Variants in ELP4 observed in about 807,000 individuals in gnomAD.
The protein encoded by ELP4 is elongator acetyltransferase complex subunit 4.
ELP4 carries 51 observed loss-of-function variants against 48.9 expected under a neutral mutation model. The ratio of observed to expected loss-of-function variants is 1.04; its 90% CI spans 0.83 to 1.32. The LOEUF (loss-of-function observed/expected upper bound fraction) is 1.32, where lower values mean the gene tolerates loss of function less well. ELP4 is among the 40% of genes most tolerant of loss of function. ELP4 has a pLI of 0.00. For missense variants in ELP4, 519 were observed against 514.6 expected, an observed-to-expected ratio of 1.01 and a Z score of -0.08; for synonymous variants, 210 against 189.2, an observed-to-expected ratio of 1.11 and a Z score of -0.90.
At chr11:31,600,042 A>G (rs1476876252) in intron 4 of ELP4, 1 of 152,188 alleles carries the variant, frequency 6.6e-6, no homozygotes, top group Non-Finnish European at 1.5e-5. Context: ...ATTATCATAG[A>G]TGCCTTTTAA....
At chr11:31,756,088 G>T (rs1947827198) in intron 9 of ELP4, among the ~76,000 whole-genome samples, 1 of 152,300 alleles carries the variant, frequency 6.6e-6, no homozygotes, top group East Asian at 1.9e-4. Flanking sequence ...ACAAATAGAA[G>T]TAACAAAGCC....
intron 5 of ELP4, among the ~76,000 whole-genome samples, chr11:31,612,728 A>T (rs1239563422): frequency 6.6e-6 from 1 of 152,168 alleles, no homozygotes; most frequent in Non-Finnish European, 1.5e-5. Flanking sequence ...GGTGAGAATA[A>T]GATGTTTGAA....
At chr11:31,771,522 C>G (rs1309980404) in intron 9 of ELP4, among the ~76,000 whole-genome samples, 1 of 152,188 alleles carries the variant, frequency 6.6e-6, no homozygotes, top group African/African-American at 2.4e-5. Flanking sequence ...CGTACCACGC[C>G]AAACTTCTCA....
chr11:31,753,428 A>G (rs1947768675), intron 9 of ELP4, among the ~76,000 whole-genome samples: 1 of 152,216 alleles, frequency 6.6e-6, no homozygotes, highest in Non-Finnish European at 1.5e-5. Flanking sequence ...AAATTAAAAT[A>G]ACAACTATCA....
At chr11:31,569,938 A>G (rs191439007) in intron 3 of ELP4, among the ~76,000 whole-genome samples, 27 of 152,342 alleles carry the variant, frequency 1.8e-4, no homozygotes, top group Admixed American at 3.9e-4. Flanking sequence ...CAGCCACTGT[A>G]GAGAGCAGTT....
intron 9 of ELP4, among the ~76,000 whole-genome samples, chr11:31,660,771 C>A (rs1209039196): frequency 6.6e-6 from 1 of 151,830 alleles, no homozygotes; most frequent in Non-Finnish European, 1.5e-5. Flanking sequence ...TACAGTCTAT[C>A]TTTTCTGCAT....
intron 3 of ELP4, among the ~76,000 whole-genome samples, chr11:31,554,198 A>G (rs1956895349): frequency 6.6e-6 from 1 of 152,222 alleles, no homozygotes; most frequent in Non-Finnish European, 1.5e-5. Flanking sequence ...ATAATGATAG[A>G]AATAAAATGC....
intron 5 of ELP4, among the ~76,000 whole-genome samples, chr11:31,626,292 G>A (rs1220971952): frequency 6.6e-6 from 1 of 151,658 alleles, no homozygotes; most frequent in Non-Finnish European, 1.5e-5. Flanking sequence ...TAATTTTAAG[G>A]TCACCCACAG....
intron 7 of ELP4, among the ~76,000 whole-genome samples, chr11:31,642,677 G>A (rs1046580324): frequency 4.0e-5 from 6 of 151,562 alleles, no homozygotes; most frequent in Admixed American, 1.3e-4. Flanking sequence ...TTGAAGTTCC[G>A]TGTTAAATCT....
In ELP4 at chr11:31,510,113, CGGA is replaced by C. The variant is rs1314118871; in HGVS notation, c.223+114_223+116del. ...CATCTCTTTCTGACCCCTAAACCTT[CGGA>C]GGAGGAGAGAATAGCCTGGTCTGAT... On this transcript the variant is annotated intron_variant, in intron 1 of 9. Transcript: ENST00000640961. 2.0e-5 allele frequency: 21 copies of C among 1,030,788 alleles called. No individual in the cohort carries two copies. In the South Asian group the frequency reaches 2.8e-4, roughly 14 times the overall value. 63.9% of individuals were successfully genotyped at this position (1,030,788 alleles called of 1,614,324 possible). A position where few individuals can be genotyped will look rare whatever the true frequency, so the allele number is the denominator to read the frequency against.
rs1287974899 is a variant in ELP4, at chr11:31,556,804, G to T, written c.381+17021G>T. 2.6e-5 allele frequency among the ~76,000 whole-genome samples: 4 copies of T among 151,984 alleles called. No homozygotes were observed. The East Asian group carries it at 5.8e-4, about 22-fold the overall frequency. On this transcript the variant is annotated intron_variant, in intron 3 of 9. Transcript: ENST00000640961. The stretch of plus-strand genomic sequence containing the variant: ...TAAAAAGAAAGTAGGAGGCTAGGGT[G>T]CTTTAAACATGCTGAAAAGTTGTGT...
chr11:31,519,931 A>T, intron 1 of ELP4, 125 bp from the exon 2 acceptor site: 1 of 763,998 alleles, frequency 1.3e-6, no homozygotes, highest in Non-Finnish European at 2.1e-6. Context: ...AAAGGTAATT[A>T]AAATGTTGTT....
chr11:31,696,120 T>G (rs779243789), intron 9 of ELP4, among the ~76,000 whole-genome samples: 1 of 152,142 alleles, frequency 6.6e-6, no homozygotes, highest in East Asian at 1.9e-4. Context: ...AAAAACCAGC[T>G]CCTGGATTCA....
intron 1 of ELP4, among the ~76,000 whole-genome samples, chr11:31,515,679 A>T (rs1223058991): frequency 6.6e-6 from 1 of 151,758 alleles, no homozygotes; most frequent in Non-Finnish European, 1.5e-5. Flanking sequence ...CCCACAAAAA[A>T]AAGGAATTGC....
chr11:31,627,102 A>G lies in ELP4; in HGVS notation c.654-8A>G, dbSNP rs1944760589. 1.3e-6 allele frequency: 2 copies of G among 1,586,082 alleles called. No individual in the cohort carries two copies. The highest frequency in any genetic ancestry group is 1.7e-6 in the Non-Finnish European group (2 of 1,157,048). ...TTTATGTATTTGAACCACTTCTTTT[A>G]CCAACAGTTCTTTGACCCCTGGCTA... On this transcript the variant is annotated splice_region_variant and splice_polypyrimidine_tract_variant and intron_variant, in intron 5 of 9. Coordinates refer to ENST00000640961, the MANE Select transcript of ELP4 (RefSeq NM_019040.5).
At chr11:31,621,330 T>G (rs1944617365) in intron 5 of ELP4, among the ~76,000 whole-genome samples, 1 of 152,002 alleles carries the variant, frequency 6.6e-6, no homozygotes, top group Non-Finnish European at 1.5e-5. Context: ...TAAATGTTTA[T>G]ATCAAGTAGT....
intron 9 of ELP4, among the ~76,000 whole-genome samples, chr11:31,771,285 A>G (rs768968733): frequency 2.6e-5 from 4 of 152,202 alleles, no homozygotes; most frequent in South Asian, 2.1e-4. Flanking sequence ...AATAGCCAGT[A>G]TATACCACCT....
chr11:31,623,354 AATATAT>A (rs779632233), intron 5 of ELP4, among the ~76,000 whole-genome samples: 16 of 9,244 alleles, frequency 1.7e-3, no homozygotes, highest in Non-Finnish European at 5.1e-3. Flanking sequence ...ATTTTCAGCA[AATATAT>A]ATATATATAT....
rs377701390 is a variant in ELP4 at position 31,650,174 on chromosome 11, G to A, written c.1096G>A (p.Val366Ile). The change falls in exon 9 of 10, where the codon GTC becomes ATC. Residue 366 changes from valine (V) to isoleucine (I), a missense_variant. Transcript: ENST00000640961. ...LNNLICDESDVKDLAFKLKRK... is the reference protein window; with the variant it reads ...LNNLICDESDIKDLAFKLKRK... ...TAACTTGATCTGTGATGAATCAGATGTCAAAGACTTAGCTTTTAAATTAAA... is the reference window on the plus strand; with the variant it reads ...TAACTTGATCTGTGATGAATCAGATATCAAAGACTTAGCTTTTAAATTAAA... 7 of 1,527,534 alleles carry A rather than the reference G, an allele frequency of 4.6e-6. No individual in the cohort carries two copies. In the African/African-American group the frequency reaches 8.2e-5, roughly 18 times the overall value. The allele number at this position is 1,527,534 out of a possible 1,614,324, so 94.6% of individuals were successfully genotyped here.
Sources: allele counts gnomAD v4.1 joint callset (sites outside exome capture counted in the v4.1 genomes callset), GRCh38; gene constraint gnomAD v4.1.1; transcripts MANE v1.5; gene names NCBI Gene and HGNC (gene_info 2026-07-23, HGNC 2026-07-21).